MLKL: variants seen among roughly 807,000 people sequenced by gnomAD.
MLKL encodes the protein mixed lineage kinase domain like pseudokinase, also known as mixed lineage kinase domain-like protein.
MLKL carries 55 observed loss-of-function variants against 56.5 expected under a neutral mutation model. The ratio of observed to expected loss-of-function variants is 0.97; its 90% confidence interval spans 0.78 to 1.22. MLKL has a LOEUF of 1.22. Among genes scored for constraint, MLKL ranks in the 50% most tolerant of loss-of-function variants. The pLI is 0.00. For missense variants in MLKL, 694 were observed against 573.9 expected (o/e 1.21, Z -2.14); for synonymous variants, 251 against 208.3 (o/e 1.20, Z -1.76).
rs373647414 is a variant in MLKL at position 74,691,251 on chromosome 16, C to A, written c.722+26G>T. 3.6e-5 allele frequency: 57 copies of A among 1,587,684 alleles called. No homozygotes were observed. In the African/African-American group the frequency reaches 6.9e-4, roughly 19 times the overall value. ...GAGTTAGAGTAAGTATTGGTACACA[C>A]GAGAGAACCACACAAAACAACTTAC... On this transcript the variant is annotated intron_variant, in intron 4 of 10. Transcript: ENST00000308807.
chr16:74,691,165 A>C, intron 4 of MLKL, 112 bp downstream of exon 4: 1 of 961,858 alleles, frequency 1.0e-6, no homozygotes, highest in Non-Finnish European at 1.6e-6. Flanking sequence ...CACATAATTT[A>C]ACCCTTTAGG....
rs535530016 is a variant in MLKL at position 74,675,682 on chromosome 16, G to A, written c.1121C>T (p.Thr374Ile). 78 of 1,614,070 alleles carry A rather than the reference G, an allele frequency of 4.8e-5. No individual in the cohort carries two copies. The South Asian group carries it at 7.4e-4, about 15-fold the overall frequency. Residue 374 changes from threonine (T) to isoleucine (I), a missense_variant, in exon 8 of 11, where the codon ACA becomes ATA. Physicochemically the swap from Thr to Ile is moderately conservative, Grantham distance 89. Transcript: ENST00000308807. ...TREKTDRVKS[T>I]AYLSPQELED... ...CAGTTCCTGAGGTGAGAGATATGCT[G>A]TAGATTTGACTCTGTCTGTCTTTTC...
Position 74,678,901 on chromosome 16 carries a change from T to A in MLKL, c.1036A>T (p.Lys346Ter). Residue 346 changes from lysine to a stop codon, truncating the protein, a stop_gained and splice_region_variant, in exon 7 of 11, where the codon AAG becomes TAG. Transcript: ENST00000308807. LOFTEE classifies it high-confidence loss of function. ...GCGCCCCCGCAAGGCACACTCACCT[T>A]CACTTGGTAGCCTTGAGTTACCAGG... ...NFLVTQGYQV[K>*]LAGFELRKTQ... The A allele has an allele frequency of 1.2e-6, 2 of 1,613,998 alleles. No homozygotes were observed. Among genetic ancestry groups the A allele is most frequent in the Non-Finnish European group, 1.7e-6 (2 of 1,179,882 alleles).
rs1213526795 is a variant in MLKL at position 74,700,790 on chromosome 16, C to T, written c.-340G>A. On this transcript the variant is annotated 5_prime_UTR_variant, in exon 1 of 11. Coordinates refer to ENST00000308807, the MANE Select transcript of MLKL (RefSeq NM_152649.4). ...CCCTCCGGAGGCCACTGCCTCAGGT[C>T]TGTGATGCCTGCAGAGAATGCTGCG... The T allele has an allele frequency of 1.3e-5, 2 of 152,306 alleles. No individual in the cohort carries two copies. The highest frequency in any genetic ancestry group is 4.8e-5 in the African/African-American group (2 of 41,456). The allele number at this position is 152,306 out of a possible 1,614,324, so 9.4% of individuals were successfully genotyped here.
chr16:74,693,903 G>A (rs534645019), intron 2 of MLKL, among the ~76,000 whole-genome samples: 16 of 152,196 alleles, frequency 1.1e-4, no homozygotes, highest in South Asian at 2.1e-4. Context: ...CCGCCTGGCC[G>A]AAATGGTAAA....
chr16:74,692,961 C>G (rs1031106323), intron 2 of MLKL, among the ~76,000 whole-genome samples: 2 of 152,214 alleles, frequency 1.3e-5, no homozygotes, highest in Admixed American at 6.5e-5. Flanking sequence ...CTGCCCAGGA[C>G]TGAGGAGCTC....
chr16:74,692,601 G>A (rs994802410), intron 2 of MLKL, among the ~76,000 whole-genome samples, 185 bp from the exon 3 acceptor site: 1 of 152,238 alleles, frequency 6.6e-6, no homozygotes, highest in Admixed American at 6.5e-5. Context: ...ATGCATTAAA[G>A]CATGGCTGGG....
At chr16:74,692,734 C>G (rs541048720) in intron 2 of MLKL, among the ~76,000 whole-genome samples, 1 of 152,238 alleles carries the variant, frequency 6.6e-6, no homozygotes, top group African/African-American at 2.4e-5. Context: ...TTTGCGTCAA[C>G]GCAGAAGTGC....
At chr16:74,685,156 A>C (rs1960248113) in intron 5 of MLKL, among the ~76,000 whole-genome samples, 1 of 151,966 alleles carries the variant, frequency 6.6e-6, no homozygotes, top group South Asian at 2.1e-4. Flanking sequence ...GAGCCACTGC[A>C]CCTGGCAGCT....
Position 74,672,430 on chromosome 16 carries a change from G to T in MLKL, c.*74C>A. The T allele has an allele frequency of 3.8e-6, 5 of 1,305,330 alleles. No homozygotes were observed. Among genetic ancestry groups the T allele is most frequent in the South Asian group, 3.7e-5 (3 of 81,742 alleles). The allele number at this position is 1,305,330 out of a possible 1,614,324, so 80.9% of individuals were successfully genotyped here. On this transcript the variant is annotated 3_prime_UTR_variant, in exon 11 of 11. Transcript: ENST00000308807. ...TAGATAACCCAATGCCGAAGGATAT[G>T]AGAGAGAGAGATGTCCAGTTTGTGC...
At chr16:74,683,465 A>G (rs2144496685) in intron 5 of MLKL, among the ~76,000 whole-genome samples, 1 of 151,586 alleles carries the variant, frequency 6.6e-6, no homozygotes, top group South Asian at 2.1e-4. Flanking sequence ...GTGTGGTGGG[A>G]CATGCCTGTA....
Position 74,682,677 on chromosome 16 carries a change from G to A in MLKL, c.930C>T (p.Val310=). The A allele has an allele frequency of 2.5e-6, 4 of 1,614,084 alleles. No homozygotes were observed. Among genetic ancestry groups the A allele is most frequent in the Non-Finnish European group, 3.4e-6 (4 of 1,179,998 alleles). Residue 310 remains valine, a synonymous_variant, in exon 6 of 11, where the codon GTC becomes GTT. Coordinates refer to ENST00000308807, the MANE Select transcript of MLKL (RefSeq NM_152649.4). The stretch of plus-strand genomic sequence containing the variant: ...GGTATAGGCCTCGGGCTGCCCCCAG[G>A]ACTAGGACCATGCGCTTGCCAAGTG... ...DLTLGKRMVL[V]LGAARGLYRL...
chr16:74,692,601 G>T (rs994802410), intron 2 of MLKL, among the ~76,000 whole-genome samples, 185 bp from the exon 3 acceptor site: 2 of 152,238 alleles, frequency 1.3e-5, no homozygotes, highest in Admixed American at 6.5e-5. Flanking sequence ...ATGCATTAAA[G>T]CATGGCTGGG....
chr16:74,676,133 G>A (rs1959582196), intron 7 of MLKL: 2 of 445,584 alleles, frequency 4.5e-6, no homozygotes, highest in Admixed American at 5.7e-5. Context: ...CAGTGAGAGT[G>A]GAGAGGGGTC....
In MLKL at chr16:74,675,439, T is replaced by C. The variant is rs770620630; in HGVS notation, c.1191-35A>G. 9 of 1,607,398 alleles carry C rather than the reference T, an allele frequency of 5.6e-6. No individual in the cohort carries two copies. In the South Asian group the frequency reaches 9.9e-5, roughly 18 times the overall value. ...AACCAAGAAACTGAACAACCATAAC[T>C]AGTCTCCCCTTTCCCCTGTCCCTCT... On this transcript the variant is annotated intron_variant, in intron 8 of 10. Transcript: ENST00000308807.
Position 74,678,911 on chromosome 16 carries a change from G to A in MLKL, c.1026C>T (p.Gly342=), listed in dbSNP as rs1234501358. ...IRSSNFLVTQ[G]YQVKLAGFEL... ...AAGGCACACTCACCTTCACTTGGTA[G>A]CCTTGAGTTACCAGGAAGTTTGAGC... Residue 342 remains glycine, a synonymous_variant, in exon 7 of 11, where the codon GGC becomes GGT. Transcript: ENST00000308807. 1 of 1,614,092 alleles carries A rather than the reference G, an allele frequency of 6.2e-7. No individual in the cohort carries two copies. Among genetic ancestry groups the A allele is most frequent in the Non-Finnish European group, 8.5e-7 (1 of 1,179,966 alleles).
chr16:74,684,709 C>T (rs1441902509), intron 5 of MLKL, among the ~76,000 whole-genome samples: 2 of 151,696 alleles, frequency 1.3e-5, no homozygotes, highest in East Asian at 2.0e-4. Flanking sequence ...TTGGCCAGGA[C>T]GGTCTCAAGC....
At chr16:74,677,093 C>T (rs943480175) in intron 7 of MLKL, 8 of 152,188 alleles carry the variant, frequency 5.3e-5, no homozygotes, top group Admixed American at 2.6e-4. Context: ...CACTCTGTCG[C>T]CCAGGTTGGA....
intron 2 of MLKL, among the ~76,000 whole-genome samples, chr16:74,693,504 A>AAAGAC: frequency 6.6e-6 from 1 of 151,688 alleles, no homozygotes; most frequent in Middle Eastern, 3.4e-3. Context: ...AAAGAAAAGA[A>AAAGAC]AAAAAAAGTT....
Sources: gnomAD v4.1 joint callset for allele counts (sites outside exome capture counted in the v4.1 genomes callset) on GRCh38, gnomAD v4.1.1 for gene constraint, MANE v1.5 for transcripts, NCBI Gene and HGNC (gene_info 2026-07-23, HGNC 2026-07-21) for gene names.